The following PSEN1 variants were observed in gnomAD, a reference collection of about 807,000 sequenced individuals.
PSEN1 encodes the protein presenilin-1.
In PSEN1, 15 loss-of-function variants were observed where a neutral mutation model predicts 53.5. The observed-to-expected ratio is 0.28, with a 90% CI of 0.19 to 0.43. PSEN1 has a LOEUF of 0.43. Ranked by LOEUF, PSEN1 falls within the 20% of genes least tolerant of loss-of-function variation. PSEN1 has a pLI of 1.00. For synonymous variants in PSEN1, 208 were observed against 209.8 expected (o/e 0.99, Z 0.08); for missense variants, 387 against 571.2 (o/e 0.68, Z 3.29).
chr14:73,142,938 C>T (rs569857101), intron 1 of PSEN1, among the ~76,000 whole-genome samples: 4 of 152,302 alleles, frequency 2.6e-5, no homozygotes, highest in Non-Finnish European at 5.9e-5. Flanking sequence ...AGAGCAAAAA[C>T]ACCAGAGTAG....
At chr14:73,208,637 G>A (rs1289694952) in intron 9 of PSEN1, among the ~76,000 whole-genome samples, 3 of 152,206 alleles carry the variant, frequency 2.0e-5, no homozygotes, top group Non-Finnish European at 4.4e-5. Flanking sequence ...ACTGAGTCTG[G>A]GGTTTTTATG....
At chr14:73,149,488 G>A (rs954931127) in intron 3 of PSEN1, among the ~76,000 whole-genome samples, 7 of 152,256 alleles carry the variant, frequency 4.6e-5, no homozygotes, top group East Asian at 1.9e-4. Context: ...ACTGAATGGC[G>A]TGGAACTTCC....
intron 1 of PSEN1, among the ~76,000 whole-genome samples, chr14:73,144,723 A>G (rs1897022915): frequency 6.6e-6 from 1 of 152,228 alleles, no homozygotes; most frequent in Admixed American, 6.5e-5. Flanking sequence ...AGTTTTACAT[A>G]TAAGTAGACA....
chr14:73,212,236 A>C (rs1472793662), intron 10 of PSEN1, among the ~76,000 whole-genome samples: 1 of 150,428 alleles, frequency 6.6e-6, no homozygotes, highest in Non-Finnish European at 1.5e-5. Context: ...TCAGCCTCCC[A>C]AGTAGCTGGG....
rs186306182 is a variant in PSEN1, at chr14:73,138,602, C to A, written c.-136+2019C>A. On this transcript the variant is annotated intron_variant, in intron 1 of 11. Transcript: ENST00000324501. The stretch of plus-strand genomic sequence containing the variant: ...TCCTGGAGTCAAGTGATCCTCCCGC[C>A]TTGGCCTCCCAGAGTGGTGGGATAC... Among the ~76,000 whole-genome samples the A allele has an allele frequency of 2.6e-5, 4 of 152,132 alleles. No homozygotes were observed. The East Asian group carries it at 7.8e-4, about 30-fold the overall frequency.
rs902946209 is a variant in PSEN1 at position 73,183,384 on chromosome 14, A to T, written c.481-3469A>T. Reference sequence around the variant, plus strand: ...GGGTCATAGGACAATAGTGGAGGGAAGGTCAGTAGATAAACAAGTGAACAA... The same window carrying T: ...GGGTCATAGGACAATAGTGGAGGGATGGTCAGTAGATAAACAAGTGAACAA... On this transcript the variant is annotated intron_variant, in intron 5 of 11. Coordinates refer to ENST00000324501, the MANE Select transcript of PSEN1 (RefSeq NM_000021.4). 2.6e-5 allele frequency among the ~76,000 whole-genome samples: 4 copies of T among 152,114 alleles called. No homozygotes were observed. In the East Asian group the frequency reaches 7.7e-4, roughly 29 times the overall value.
intron 3 of PSEN1, among the ~76,000 whole-genome samples, chr14:73,169,855 A>G (rs1163437029): frequency 2.0e-5 from 3 of 152,144 alleles, no homozygotes; most frequent in African/African-American, 4.8e-5. Context: ...CATGTTGGCC[A>G]GGCTGGTCTC....
At chr14:73,172,235 C>T (rs1000319797) in intron 4 of PSEN1, among the ~76,000 whole-genome samples, 1 of 152,184 alleles carries the variant, frequency 6.6e-6, no homozygotes, top group East Asian at 1.9e-4. Context: ...CTCTACGACT[C>T]TCATGGGGTC....
At chr14:73,148,902 C>G (rs214274) in intron 3 of PSEN1, among the ~76,000 whole-genome samples, 114,289 of 152,016 alleles carry the variant, frequency 0.75, 44,355 homozygotes, top group African/African-American at 0.94. Flanking sequence ...CATTGCACTC[C>G]AGCCTGGGCG....
chr14:73,147,025 G>A (rs1897091345), intron 1 of PSEN1, among the ~76,000 whole-genome samples: 1 of 151,786 alleles, frequency 6.6e-6, no homozygotes, highest in Admixed American at 6.6e-5. Flanking sequence ...CTGAGGCTGG[G>A]AGTCAGGAGT....
intron 7 of PSEN1, among the ~76,000 whole-genome samples, chr14:73,195,935 C>T (rs182238269): frequency 2.0e-5 from 3 of 152,268 alleles, no homozygotes; most frequent in Admixed American, 2.0e-4. Flanking sequence ...ACTCTGATCT[C>T]GAATCTGAAT....
intron 5 of PSEN1, among the ~76,000 whole-genome samples, chr14:73,185,378 T>G (rs1595023073): frequency 6.6e-6 from 1 of 152,070 alleles, no homozygotes; most frequent in South Asian, 2.1e-4. Flanking sequence ...CCGAGGCTGG[T>G]GGATCACTTG....
intron 11 of PSEN1, 25 bp from the exon 12 acceptor site, chr14:73,219,109 T>C: frequency 6.2e-7 from 1 of 1,612,320 alleles, no homozygotes; most frequent in African/African-American, 1.3e-5. Context: ...TGTGTGAATG[T>C]GTGTCTTTCC....
At chr14:73,159,829 TTC>T (rs1416181184) in intron 3 of PSEN1, among the ~76,000 whole-genome samples, 1 of 152,184 alleles carries the variant, frequency 6.6e-6, no homozygotes, top group African/African-American at 2.4e-5. Context: ...TTGAGTTTTT[TTC>T]TTTTTTTTGA....
chr14:73,152,057 G>A (rs1435166733), intron 3 of PSEN1, among the ~76,000 whole-genome samples: 5 of 149,990 alleles, frequency 3.3e-5, no homozygotes, highest in South Asian at 2.1e-4. Flanking sequence ...GACTACAGGC[G>A]CCCGCCACCA....
At chr14:73,182,565 C>T (rs1366293230) in intron 5 of PSEN1, among the ~76,000 whole-genome samples, 1 of 151,884 alleles carries the variant, frequency 6.6e-6, no homozygotes, top group African/African-American at 2.4e-5. Context: ...AAAATTAGGC[C>T]GGGCATGGTG....
At chr14:73,184,154 C>T (rs1484294673) in intron 5 of PSEN1, among the ~76,000 whole-genome samples, 1 of 98,730 alleles carries the variant, frequency 1.0e-5, no homozygotes, top group Non-Finnish European at 2.0e-5. Context: ...GGCCGGGGGG[C>T]TGACCCCCCC....
At position 73,175,511 on chromosome 14, in the gene PSEN1, G is replaced by A. The variant is rs59962242; in HGVS notation, c.480+1804G>A. On this transcript the variant is annotated intron_variant, in intron 5 of 11. Coordinates refer to ENST00000324501, the MANE Select transcript of PSEN1 (RefSeq NM_000021.4). Reference sequence around the variant, plus strand: ...AAAAAAATTAACTTTCCAAATGTAGGAGTCTACTCTGTTTCCTTCTAGTAT... The same window carrying A: ...AAAAAAATTAACTTTCCAAATGTAGAAGTCTACTCTGTTTCCTTCTAGTAT... Among the ~76,000 whole-genome samples the A allele has an allele frequency of 8.3e-3, 1,262 of 152,116 alleles. 20 individuals are homozygous for A. Among genetic ancestry groups the A allele is most frequent in the African/African-American group, 0.029 (1,206 of 41,498 alleles).
intron 10 of PSEN1, among the ~76,000 whole-genome samples, chr14:73,215,507 C>T (rs1348323103): frequency 3.3e-5 from 5 of 150,378 alleles, no homozygotes; most frequent in African/African-American, 9.8e-5. Context: ...TGCTTGAAAT[C>T]GGGAGGTGGA....
Sources: gnomAD v4.1 joint callset for allele counts (sites outside exome capture counted in the v4.1 genomes callset) on GRCh38, gnomAD v4.1.1 for gene constraint, MANE v1.5 for transcripts, NCBI Gene and HGNC (gene_info 2026-07-23, HGNC 2026-07-21) for gene names.